Variants in SYNPR observed in about 807,000 individuals in gnomAD.
SYNPR encodes synaptoporin.
In SYNPR, 23 loss-of-function variants were observed where a neutral mutation model predicts 32.9. The ratio of observed to expected loss-of-function variants is 0.70; its 90% CI spans 0.50 to 0.99. SYNPR has a LOEUF of 0.99. SYNPR is among the 50% of genes least tolerant of loss of function. The probability of loss-of-function intolerance (pLI) is 0.00; values close to 1 mark genes in which losing one functional copy is unlikely to be tolerated. For synonymous variants in SYNPR, 146 were observed against 135.9 expected, an observed-to-expected ratio of 1.07 and a Z score of -0.52; for missense variants, 318 against 349.3, an observed-to-expected ratio of 0.91 and a Z score of 0.71.
intron 3 of SYNPR, among the ~76,000 whole-genome samples, chr3:63,540,412 G>A (rs1281460338): frequency 6.6e-6 from 1 of 152,040 alleles, no homozygotes; most frequent in Non-Finnish European, 1.5e-5. Context: ...GAAGGGGCAA[G>A]GTGCAGAAAA....
chr3:63,468,194 CA>C (rs552378431), intron 2 of SYNPR, among the ~76,000 whole-genome samples: 29,973 of 80,770 alleles, frequency 0.37, 2,256 homozygotes, highest in Non-Finnish European at 0.43. Context: ...AACTCCATCT[CA>C]AAAAAAAAAA....
chr3:63,291,918 G>A (rs1348982665), intron 2 of SYNPR, among the ~76,000 whole-genome samples: 1 of 151,986 alleles, frequency 6.6e-6, no homozygotes, highest in Non-Finnish European at 1.5e-5. Context: ...ATCATTAGGT[G>A]ATTTCATCAT....
chr3:63,603,731 CT>C (rs1471017393), intron 4 of SYNPR, among the ~76,000 whole-genome samples: 1 of 152,114 alleles, frequency 6.6e-6, no homozygotes, highest in East Asian at 1.9e-4. Flanking sequence ...TGATGTGCTG[CT>C]GGATTCAGTT....
chr3:63,319,432 A>T (rs1408147577), intron 2 of SYNPR, among the ~76,000 whole-genome samples: 1 of 152,036 alleles, frequency 6.6e-6, no homozygotes, highest in African/African-American at 2.4e-5. Flanking sequence ...GCAGGACACA[A>T]AATCAACTTA....
intron 2 of SYNPR, among the ~76,000 whole-genome samples, chr3:63,390,775 C>G (rs1211661224): frequency 6.6e-6 from 1 of 152,160 alleles, no homozygotes; most frequent in Non-Finnish European, 1.5e-5. Flanking sequence ...CTGGAATGCT[C>G]ATCTCTAACT....
chr3:63,509,103 C>CAAAT (rs1384361898), intron 3 of SYNPR, among the ~76,000 whole-genome samples: 1 of 146,858 alleles, frequency 6.8e-6, no homozygotes, highest in African/African-American at 2.5e-5. Context: ...TACCTTTCAG[C>CAAAT]ATATATATAT....
intron 2 of SYNPR, among the ~76,000 whole-genome samples, chr3:63,347,849 C>T (rs961487110): frequency 9.9e-5 from 14 of 140,868 alleles, no homozygotes; most frequent in African/African-American, 2.9e-4. Context: ...TGTGTGTCTG[C>T]GTGTGTATGG....
intron 3 of SYNPR, among the ~76,000 whole-genome samples, chr3:63,503,214 T>C (rs890654286): frequency 6.6e-6 from 1 of 152,128 alleles, no homozygotes; most frequent in Non-Finnish European, 1.5e-5. Context: ...ATGTGGAACA[T>C]CTTTTCATAT....
At chr3:63,583,928 C>CATT (rs1703136878) in intron 4 of SYNPR, among the ~76,000 whole-genome samples, 1 of 152,000 alleles carries the variant, frequency 6.6e-6, no homozygotes, top group Non-Finnish European at 1.5e-5. Flanking sequence ...ATGAATTTTC[C>CATT]ATGATCTAAG....
intron 2 of SYNPR, among the ~76,000 whole-genome samples, chr3:63,310,727 C>G (rs897693629): frequency 6.6e-6 from 1 of 152,010 alleles, no homozygotes; most frequent in Non-Finnish European, 1.5e-5. Context: ...TGTGGGGGCA[C>G]TAGCTGGCTG....
At chr3:63,471,323 T>C (rs1700791749) in intron 2 of SYNPR, among the ~76,000 whole-genome samples, 2 of 152,160 alleles carry the variant, frequency 1.3e-5, no homozygotes, top group Admixed American at 1.3e-4. Flanking sequence ...TAAAAGACAA[T>C]TGCATGTCTT....
At chr3:63,608,779 T>A (rs1333856308) in intron 4 of SYNPR, among the ~76,000 whole-genome samples, 3 of 152,222 alleles carry the variant, frequency 2.0e-5, no homozygotes, top group African/African-American at 7.2e-5. Flanking sequence ...GACAAGCTAT[T>A]CAACCATTCT....
intron 2 of SYNPR, among the ~76,000 whole-genome samples, chr3:63,390,695 C>T (rs9862473): frequency 0.016 from 2,438 of 152,234 alleles, 36 homozygotes; most frequent in African/African-American, 0.029. Flanking sequence ...CCAGGCTAAC[C>T]GATTATTTTT....
chr3:63,347,907 GTGTGTGTGTGTA>G (rs2087458023), intron 2 of SYNPR, among the ~76,000 whole-genome samples: 1 of 146,448 alleles, frequency 6.8e-6, no homozygotes. Flanking sequence ...GTGTGTGTGT[GTGTGTGTGTGTA>G]TGTATATATC....
chr3:63,598,628 G>A (rs948717783), intron 4 of SYNPR, among the ~76,000 whole-genome samples: 3 of 152,074 alleles, frequency 2.0e-5, no homozygotes, highest in Non-Finnish European at 2.9e-5. Context: ...ACTCCTGGCC[G>A]CAGTTTCTTC....
intron 4 of SYNPR, among the ~76,000 whole-genome samples, chr3:63,563,660 G>C (rs1575713037): frequency 6.6e-6 from 1 of 151,714 alleles, no homozygotes; most frequent in East Asian, 1.9e-4. Context: ...TAGGTAATAA[G>C]TGTCTTCAAC....
intron 2 of SYNPR, among the ~76,000 whole-genome samples, chr3:63,393,494 CTCTTTT>C (rs2088170850): frequency 9.8e-6 from 1 of 102,424 alleles, no homozygotes; most frequent in African/African-American, 4.3e-5. Flanking sequence ...TTTCTTTCTT[CTCTTTT>C]TTTTTTTTTT....
At chr3:63,430,200 C>T (rs1699967131) in intron 2 of SYNPR, among the ~76,000 whole-genome samples, 2 of 152,174 alleles carry the variant, frequency 1.3e-5, no homozygotes, top group South Asian at 4.1e-4. Flanking sequence ...GCTAATTGTA[C>T]TTAGGACATT....
At chr3:63,358,369 C>T (rs2087611846) in intron 2 of SYNPR, among the ~76,000 whole-genome samples, 1 of 152,216 alleles carries the variant, frequency 6.6e-6, no homozygotes, top group African/African-American at 2.4e-5. Context: ...ATGGCCCCTT[C>T]CTTGCATGGC....
Sources: allele counts gnomAD v4.1 joint callset (sites outside exome capture counted in the v4.1 genomes callset), GRCh38; gene constraint gnomAD v4.1.1; transcripts MANE v1.5; gene names NCBI Gene and HGNC (gene_info 2026-07-23, HGNC 2026-07-21).